EPHX2: variants seen among roughly 807,000 people sequenced by gnomAD.
EPHX2 encodes bifunctional epoxide hydrolase 2.
Under a neutral mutation model 78.7 loss-of-function variants are expected in EPHX2, and 74 were observed. The observed-to-expected ratio is 0.94, with a 90% CI of 0.78 to 1.14. The LOEUF (loss-of-function observed/expected upper bound fraction) is 1.14, where lower values mean the gene tolerates loss of function less well. Among genes scored for constraint, EPHX2 ranks in the 50% most tolerant of loss-of-function variants. The probability of loss-of-function intolerance (pLI) is 0.00; values close to 1 mark genes in which losing one functional copy is unlikely to be tolerated. For synonymous variants in EPHX2, 251 were observed against 255.2 expected, an observed-to-expected ratio of 0.98 and a Z score of 0.16; for missense variants, 715 against 702.5, an observed-to-expected ratio of 1.02 and a Z score of -0.20.
At position 27,510,638 on chromosome 8, in the gene EPHX2, T is replaced by C. The variant is rs1037684346; in HGVS notation, c.661-1198T>C. On this transcript the variant is annotated intron_variant, in intron 5 of 18. Coordinates refer to ENST00000521400, the MANE Select transcript of EPHX2 (RefSeq NM_001979.6). ...GTCACAAGGCTGAGCCCTAATCTCATCTGACTGGTCTCTTTAGAAGAAGGA... is the reference window on the plus strand; with the variant it reads ...GTCACAAGGCTGAGCCCTAATCTCACCTGACTGGTCTCTTTAGAAGAAGGA... 2.0e-5 allele frequency among the ~76,000 whole-genome samples: 3 copies of C among 152,158 alleles called. 1 individual carries two copies. The highest frequency in any genetic ancestry group is 7.2e-5 in the African/African-American group (3 of 41,446).
chr8:27,537,953 T>G (rs1435779598), intron 13 of EPHX2, among the ~76,000 whole-genome samples: 1 of 152,204 alleles, frequency 6.6e-6, no homozygotes, highest in Non-Finnish European at 1.5e-5. Flanking sequence ...CTTGAGGAAA[T>G]GACCCCTTGA....
At chr8:27,511,032 C>T (rs1563346773) in intron 5 of EPHX2, among the ~76,000 whole-genome samples, 1 of 152,160 alleles carries the variant, frequency 6.6e-6, no homozygotes, top group Non-Finnish European at 1.5e-5. Context: ...TGTGAAGACA[C>T]TAGGAGAAGA....
intron 5 of EPHX2, among the ~76,000 whole-genome samples, chr8:27,508,619 A>G (rs1814108179): frequency 6.6e-6 from 1 of 152,192 alleles, no homozygotes; most frequent in Non-Finnish European, 1.5e-5. Context: ...GAAACTGGGA[A>G]AGTAAAAACT....
intron 9 of EPHX2, among the ~76,000 whole-genome samples, chr8:27,519,911 C>T (rs1814587052): frequency 6.6e-6 from 1 of 152,110 alleles, no homozygotes; most frequent in African/African-American, 2.4e-5. Context: ...TCTCTGAGGC[C>T]TTTCCTGGGC....
At position 27,515,712 on chromosome 8, in the gene EPHX2, C is replaced by A; in HGVS notation, c.736-6C>A. On this transcript the variant is annotated splice_region_variant and splice_polypyrimidine_tract_variant and intron_variant, in intron 6 of 18. Coordinates refer to ENST00000521400, the MANE Select transcript of EPHX2 (RefSeq NM_001979.6). ...GTCGCTGCCCTCTCCTCTTTCCCTT[C>A]CACAGCCCAGGGTCCGTCTGCATTT... 1 of 1,613,460 alleles carries A rather than the reference C, an allele frequency of 6.2e-7. No homozygotes were observed. Among genetic ancestry groups the A allele is most frequent in the South Asian group, 1.1e-5 (1 of 91,050 alleles).
intron 12 of EPHX2, among the ~76,000 whole-genome samples, chr8:27,534,710 A>T (rs1815155686): frequency 6.6e-6 from 1 of 152,236 alleles, no homozygotes; most frequent in Admixed American, 6.5e-5. Context: ...AGGTCGCTGG[A>T]ACGAAAGCTT....
intron 18 of EPHX2, 67 bp from the exon 19 acceptor site, chr8:27,544,377 G>T (rs1256071192): frequency 5.6e-6 from 9 of 1,601,966 alleles, no homozygotes; most frequent in Non-Finnish European, 7.7e-6. Context: ...CTGCCTTCGA[G>T]TTGGCTGGGT....
At chr8:27,503,051 G>T (rs7814554) in intron 2 of EPHX2, among the ~76,000 whole-genome samples, 7,161 of 152,162 alleles carry the variant, frequency 0.047, 534 homozygotes, top group African/African-American at 0.16. Flanking sequence ...GAAGTAATTG[G>T]GTCATGAGGG....
At chr8:27,526,538 A>G (rs1321047036) in intron 12 of EPHX2, among the ~76,000 whole-genome samples, 1 of 152,178 alleles carries the variant, frequency 6.6e-6, no homozygotes, top group Admixed American at 6.5e-5. Context: ...TGTGTGGTGT[A>G]GAGGGCGTAT....
chr8:27,527,892 G>T (rs921311752), intron 12 of EPHX2, among the ~76,000 whole-genome samples: 1 of 152,112 alleles, frequency 6.6e-6, no homozygotes, highest in Non-Finnish European at 1.5e-5. Context: ...TCTCAGCTGA[G>T]CAAACCGAGG....
At position 27,544,765 on chromosome 8, in the gene EPHX2, A is replaced by G; in HGVS notation, c.*243A>G. 3.6e-6 allele frequency: 2 copies of G among 551,242 alleles called. No homozygotes were observed. The highest frequency in any genetic ancestry group is 6.3e-5 in the Admixed American group (2 of 31,842). The allele number at this position is 551,242 out of a possible 1,614,324, so 34.1% of individuals were successfully genotyped here. A position where few individuals can be genotyped will look rare whatever the true frequency, so the allele number is the denominator to read the frequency against. On this transcript the variant is annotated 3_prime_UTR_variant, in exon 19 of 19. Transcript: ENST00000521400. ...TGAATGCATCGTCCCTTTATCTGTA[A>G]GAACCCTTAGTGTCCTGTAGGGGGA...
chr8:27,512,065 TC>T, intron 6 of EPHX2, 155 bp downstream of exon 6: 1 of 506,816 alleles, frequency 2.0e-6, no homozygotes, highest in Non-Finnish European at 3.4e-6. Flanking sequence ...ACCACTGTGC[TC>T]CAGCCTGGGC....
At chr8:27,532,506 CA>C (rs1815079168) in intron 12 of EPHX2, among the ~76,000 whole-genome samples, 1 of 152,170 alleles carries the variant, frequency 6.6e-6, no homozygotes, top group South Asian at 2.1e-4. Context: ...AGTGAATTCT[CA>C]ACAGTTCTTG....
intron 12 of EPHX2, among the ~76,000 whole-genome samples, chr8:27,533,119 C>T (rs919346291): frequency 2.2e-4 from 33 of 151,964 alleles, no homozygotes; most frequent in African/African-American, 6.5e-4. Context: ...TGTCTCTAAA[C>T]GAATAATAAT....
rs1814423246 is a variant in EPHX2 at position 27,515,721 on chromosome 8, A to G, written c.739A>G (p.Arg247Gly). The change falls in exon 7 of 19, where the codon AGG (arginine) becomes GGG (glycine). Residue 247 changes from arginine to glycine, a missense_variant. Coordinates refer to ENST00000521400, the MANE Select transcript of EPHX2 (RefSeq NM_001979.6). ...MSHGYVTVKP[R>G]VRLHFVELGS... ...CTCTCCTCTTTCCCTTCCACAGCCC[A>G]GGGTCCGTCTGCATTTTGTGGAGCT... 3 of 1,613,694 alleles carry G rather than the reference A, an allele frequency of 1.9e-6. No individual in the cohort carries two copies. The East Asian group carries it at 6.7e-5, about 36-fold the overall frequency.
intron 1 of EPHX2, among the ~76,000 whole-genome samples, chr8:27,493,989 G>C (rs561915860): frequency 8.5e-5 from 13 of 152,292 alleles, no homozygotes; most frequent in African/African-American, 3.1e-4. Context: ...CACTAGTGGT[G>C]GGGGCGCTGC....
intron 6 of EPHX2, 103 bp from the exon 7 acceptor site, chr8:27,515,615 C>T: frequency 1.1e-6 from 1 of 924,398 alleles, no homozygotes; most frequent in Non-Finnish European, 1.7e-6. Context: ...ATGCACAATC[C>T]AGCAACGGAC....
At chr8:27,528,185 T>C (rs28413911) in intron 12 of EPHX2, among the ~76,000 whole-genome samples, 138 of 152,356 alleles carry the variant, frequency 9.1e-4, no homozygotes, top group African/African-American at 3.2e-3. Context: ...TTAACAGTTA[T>C]TGTGGAAAAA....
intron 11 of EPHX2, 64 bp downstream of exon 11, chr8:27,522,572 T>C (rs1373193944): frequency 6.5e-7 from 1 of 1,533,114 alleles, no homozygotes; most frequent in East Asian, 2.3e-5. Context: ...TGAGAATTGT[T>C]CCTCAGATCT....
Sources: gnomAD v4.1 joint callset for allele counts (sites outside exome capture counted in the v4.1 genomes callset) on GRCh38, gnomAD v4.1.1 for gene constraint, MANE v1.5 for transcripts, NCBI Gene and HGNC (gene_info 2026-07-23, HGNC 2026-07-21) for gene names.